Variants in FIG4 observed in about 807,000 individuals in gnomAD.
FIG4 encodes polyphosphoinositide phosphatase.
FIG4 carries 112 observed loss-of-function variants against 118.6 expected under a neutral mutation model. That is an observed-to-expected ratio of 0.94 (90% CI 0.81 to 1.11). The LOEUF is 1.11. Among genes scored for constraint, FIG4 ranks in the 50% least tolerant of loss-of-function variants. The pLI, the probability that FIG4 is intolerant of heterozygous loss-of-function variation, is 0.00. For synonymous variants in FIG4, 369 were observed against 381.2 expected (o/e 0.97, Z 0.37); for missense variants, 969 against 1,111.7 (o/e 0.87, Z 1.83).
At chr6:109,782,832 G>A (rs919636120) in intron 16 of FIG4, among the ~76,000 whole-genome samples, 9 of 152,192 alleles carry the variant, frequency 5.9e-5, no homozygotes, top group African/African-American at 2.2e-4. Context: ...TGTGAATTCA[G>A]AGAATGCATT....
At chr6:109,820,715 T>G (rs974550466) in intron 22 of FIG4, among the ~76,000 whole-genome samples, 43 of 152,234 alleles carry the variant, frequency 2.8e-4, no homozygotes, top group African/African-American at 6.0e-4. Flanking sequence ...AGCAGCAGCA[T>G]CATTTTAAAA....
At chr6:109,804,886 T>C (rs1778520871) in intron 22 of FIG4, among the ~76,000 whole-genome samples, 1 of 152,190 alleles carries the variant, frequency 6.6e-6, no homozygotes, top group Admixed American at 6.5e-5. Flanking sequence ...GGCCCATCTG[T>C]CTTTGTATCC....
chr6:109,819,641 G>A (rs1778952283), intron 22 of FIG4, among the ~76,000 whole-genome samples: 2 of 151,956 alleles, frequency 1.3e-5, no homozygotes, highest in Admixed American at 1.3e-4. Flanking sequence ...GCTATTTTGT[G>A]TATTTTTAGT....
At chr6:109,703,976 C>T (rs1211628299) in intron 1 of FIG4, among the ~76,000 whole-genome samples, 1 of 152,174 alleles carries the variant, frequency 6.6e-6, no homozygotes, top group East Asian at 1.9e-4. Flanking sequence ...CCTACTCTCT[C>T]TAGTAGGTTT....
intron 11 of FIG4, among the ~76,000 whole-genome samples, chr6:109,760,988 T>C (rs1317271782): frequency 1.3e-5 from 2 of 152,188 alleles, no homozygotes; most frequent in African/African-American, 2.4e-5. Context: ...GGAACTTACT[T>C]TTGTTAAATC....
intron 22 of FIG4, among the ~76,000 whole-genome samples, chr6:109,802,104 TCTCA>T (rs1410244802): frequency 1.3e-5 from 2 of 152,220 alleles, no homozygotes; most frequent in Non-Finnish European, 2.9e-5. Flanking sequence ...TGACCTCTCC[TCTCA>T]CTCCAGGAAT....
intron 10 of FIG4, among the ~76,000 whole-genome samples, chr6:109,745,112 G>A (rs1284637252): frequency 2.0e-5 from 3 of 152,124 alleles, no homozygotes; most frequent in Non-Finnish European, 4.4e-5. Flanking sequence ...ATATGTGCAT[G>A]TGTCTTTATA....
intron 19 of FIG4, among the ~76,000 whole-genome samples, chr6:109,790,216 T>C (rs1562685985): frequency 2.0e-5 from 3 of 152,198 alleles, no homozygotes; most frequent in African/African-American, 4.8e-5. Context: ...CTGCCTAGTC[T>C]CAGTGACAGA....
chr6:109,763,314 T>G (rs1369449498), intron 12 of FIG4, among the ~76,000 whole-genome samples: 1 of 152,258 alleles, frequency 6.6e-6, no homozygotes, highest in Non-Finnish European at 1.5e-5. Flanking sequence ...AGCAGGACTT[T>G]CTAAGGATAG....
intron 3 of FIG4, among the ~76,000 whole-genome samples, chr6:109,724,268 C>T (rs1384295851): frequency 6.6e-6 from 1 of 152,106 alleles, no homozygotes; most frequent in Admixed American, 6.6e-5. Flanking sequence ...CACTGCCACT[C>T]CTCTCCCCCC....
intron 1 of FIG4, among the ~76,000 whole-genome samples, chr6:109,696,092 C>A (rs1774709551): frequency 6.6e-6 from 1 of 152,170 alleles, no homozygotes; most frequent in African/African-American, 2.4e-5. Context: ...TTGTAAACTG[C>A]ATATTTCTTT....
At chr6:109,701,744 A>T (rs1483954029) in intron 1 of FIG4, 1 of 471,714 alleles carries the variant, frequency 2.1e-6, no homozygotes. Context: ...CACCTTTCTT[A>T]ATTAGCCTTG....
At chr6:109,691,601 C>A (rs1562628132) in intron 1 of FIG4, 100 bp downstream of exon 1, 1 of 1,057,408 alleles carries the variant, frequency 9.5e-7, no homozygotes, top group East Asian at 2.6e-5. Flanking sequence ...CCTCCTCCTT[C>A]CTCTCCAGTT....
At chr6:109,740,399 G>GATA (rs1776287987) in intron 7 of FIG4, among the ~76,000 whole-genome samples, 1 of 152,088 alleles carries the variant, frequency 6.6e-6, no homozygotes, top group South Asian at 2.1e-4. Context: ...AGTAGCTTTT[G>GATA]ATAAGAGTAG....
At chr6:109,817,002 G>C (rs1778879358) in intron 22 of FIG4, among the ~76,000 whole-genome samples, 2 of 152,222 alleles carry the variant, frequency 1.3e-5, no homozygotes, top group African/African-American at 4.8e-5. Flanking sequence ...AGAAGGGACT[G>C]ATTGCTCCAA....
At chr6:109,795,823 G>A (rs146561637) in intron 21 of FIG4, among the ~76,000 whole-genome samples, 2,023 of 151,968 alleles carry the variant, frequency 0.013, 59 homozygotes, top group African/African-American at 0.047. Flanking sequence ...GGATGGTCTC[G>A]ATCTCCTGAC....
chr6:109,785,889 G>T (rs1428524586), intron 17 of FIG4: 1 of 319,444 alleles, frequency 3.1e-6, no homozygotes, highest in Non-Finnish European at 6.4e-6. Flanking sequence ...TAGTTGTTCT[G>T]GGAGAAAGGA....
intron 7 of FIG4, among the ~76,000 whole-genome samples, chr6:109,739,719 C>T (rs920863741): frequency 2.0e-5 from 3 of 151,828 alleles, no homozygotes; most frequent in East Asian, 1.9e-4. Context: ...TACTTGGAAC[C>T]GAAGTTACAG....
At chr6:109,715,386 C>A (rs1445028076) in intron 2 of FIG4, among the ~76,000 whole-genome samples, 1 of 152,076 alleles carries the variant, frequency 6.6e-6, no homozygotes, top group African/African-American at 2.4e-5. Context: ...TACTTTGCCC[C>A]TCGTTTTGAC....
Sources: gnomAD v4.1 joint callset for allele counts (sites outside exome capture counted in the v4.1 genomes callset) on GRCh38, gnomAD v4.1.1 for gene constraint, MANE v1.5 for transcripts, NCBI Gene and HGNC (gene_info 2026-07-23, HGNC 2026-07-21) for gene names.